KLF12: variants seen among roughly 807,000 people sequenced by gnomAD.
KLF12 encodes KLF transcription factor 12.
In KLF12, 9 loss-of-function variants were observed where a neutral mutation model predicts 37.8. That is an observed-to-expected ratio of 0.24 (90% confidence interval 0.14 to 0.42). The LOEUF is 0.42. Among genes scored for constraint, KLF12 ranks in the 10% least tolerant of loss-of-function variants. The pLI is 1.00. For synonymous variants in KLF12, 208 were observed against 202.1 expected (o/e 1.03, Z -0.25); for missense variants, 411 against 516.0 (o/e 0.80, Z 1.97).
chr13:73,841,990 T>A (rs1884762211), intron 4 of KLF12, among the ~76,000 whole-genome samples: 1 of 152,178 alleles, frequency 6.6e-6, no homozygotes, highest in Admixed American at 6.5e-5. Context: ...AGTAGAGATG[T>A]CGGGGTGTTC....
At chr13:73,907,633 T>G (rs536420368) in intron 3 of KLF12, among the ~76,000 whole-genome samples, 7 of 152,160 alleles carry the variant, frequency 4.6e-5, no homozygotes, top group Non-Finnish European at 8.8e-5. Flanking sequence ...AGACCCAGAG[T>G]AGTTAAGTAA....
chr13:73,695,805 C>T (rs769943987), intron 7 of KLF12, 134 bp from the exon 8 acceptor site: 25 of 811,800 alleles, frequency 3.1e-5, no homozygotes, highest in Non-Finnish European at 4.3e-5. Flanking sequence ...GGAAACCTTA[C>T]CATCCCACCA....
intron 5 of KLF12, among the ~76,000 whole-genome samples, chr13:73,794,543 TTTTCTATGTGGAA>T (rs1209523379): frequency 6.6e-6 from 1 of 152,202 alleles, no homozygotes; most frequent in Non-Finnish European, 1.5e-5. Context: ...AACATTTAAC[TTTTCTATGTGGAA>T]TCCTGACTTT....
rs142763689 is a variant in KLF12, at chr13:73,820,571, G to C, written c.671-7284C>G. On this transcript the variant is annotated intron_variant, in intron 4 of 7. Transcript: ENST00000377669. The stretch of plus-strand genomic sequence containing the variant: ...TTCCTTTACTTTTGCTAATGCTAAT[G>C]CCTCTACAGAGCAGCAACTGTGATG... Among the ~76,000 whole-genome samples the C allele has an allele frequency of 1.6e-4, 24 of 152,284 alleles. 1 individual carries two copies. The highest frequency in any genetic ancestry group is 5.8e-4 in the African/African-American group (24 of 41,558).
chr13:74,286,716 G>A, the KLF12 span, among the ~76,000 whole-genome samples: 1 of 152,200 alleles, frequency 6.6e-6, no homozygotes, highest in Non-Finnish European at 1.5e-5. Flanking sequence ...TACAAAATCA[G>A]CATCTGTGGT....
At chr13:74,101,495 G>A (rs1055913333) in intron 1 of KLF12, among the ~76,000 whole-genome samples, 1 of 151,988 alleles carries the variant, frequency 6.6e-6, no homozygotes, top group Non-Finnish European at 1.5e-5. Flanking sequence ...TGAGCACTCA[G>A]AAAGCTAAGA....
chr13:74,242,330 A>C, the KLF12 span, among the ~76,000 whole-genome samples: 1 of 152,244 alleles, frequency 6.6e-6, no homozygotes, highest in African/African-American at 2.4e-5. Flanking sequence ...TCACAGTTCC[A>C]TGGGCTGGGG....
intron 6 of KLF12, among the ~76,000 whole-genome samples, chr13:73,736,594 T>C (rs1877480768): frequency 6.6e-6 from 1 of 152,218 alleles, no homozygotes; most frequent in Non-Finnish European, 1.5e-5. Context: ...GCAGGAACTT[T>C]AATGTATCAC....
At chr13:74,194,414 G>T in the KLF12 span, among the ~76,000 whole-genome samples, 1 of 152,212 alleles carries the variant, frequency 6.6e-6, no homozygotes, top group Non-Finnish European at 1.5e-5. Flanking sequence ...TGAAGGCTTG[G>T]AAGTCCAAGA....
chr13:74,073,137 C>A (rs1239160612), intron 1 of KLF12, among the ~76,000 whole-genome samples: 1 of 152,142 alleles, frequency 6.6e-6, no homozygotes, highest in Non-Finnish European at 1.5e-5. Flanking sequence ...TGAGGCCGCC[C>A]GAGCCATGTA....
the KLF12 span, among the ~76,000 whole-genome samples, chr13:74,167,511 A>G: frequency 1.3e-5 from 2 of 152,244 alleles, no homozygotes; most frequent in Non-Finnish European, 2.9e-5. Context: ...TCTCCACATC[A>G]TAAAAATTTT....
At chr13:74,039,632 CT>C (rs1893349897) in intron 1 of KLF12, among the ~76,000 whole-genome samples, 1 of 152,102 alleles carries the variant, frequency 6.6e-6, no homozygotes, top group African/African-American at 2.4e-5. Context: ...TGATATTGTG[CT>C]TTGGCCTTAA....
the KLF12 span, among the ~76,000 whole-genome samples, chr13:74,246,151 C>G: frequency 6.6e-6 from 1 of 152,312 alleles, no homozygotes; most frequent in South Asian, 2.1e-4. Context: ...TCAGAATAGA[C>G]AGTCAACAAT....
chr13:74,206,712 C>T, the KLF12 span, among the ~76,000 whole-genome samples: 9 of 152,306 alleles, frequency 5.9e-5, no homozygotes, highest in South Asian at 1.7e-3. Context: ...CTTTGTCTTT[C>T]TCGCTGCGAC....
the KLF12 span, among the ~76,000 whole-genome samples, chr13:74,279,060 C>T: frequency 2.8e-4 from 42 of 152,130 alleles, no homozygotes; most frequent in African/African-American, 9.9e-4. Context: ...GGAGACAGCC[C>T]GTATCCTTTG....
At chr13:74,204,978 G>A in the KLF12 span, among the ~76,000 whole-genome samples, 1 of 152,064 alleles carries the variant, frequency 6.6e-6, no homozygotes, top group Admixed American at 6.6e-5. Context: ...CTAGACATAT[G>A]CTGATAGCAG....
intron 5 of KLF12, chr13:73,801,551 C>G (rs1253184006): frequency 6.6e-6 from 1 of 151,958 alleles, no homozygotes; most frequent in East Asian, 1.9e-4. Context: ...TAGTTACACC[C>G]ATTAGAAAAA....
intron 4 of KLF12, among the ~76,000 whole-genome samples, chr13:73,814,479 A>C (rs1453326014): frequency 6.6e-6 from 1 of 152,194 alleles, no homozygotes; most frequent in Non-Finnish European, 1.5e-5. Flanking sequence ...CTATACCTAG[A>C]CGGTTTCAAC....
At chr13:73,964,108 T>C (rs1324288646) in intron 2 of KLF12, among the ~76,000 whole-genome samples, 3 of 152,176 alleles carry the variant, frequency 2.0e-5, no homozygotes, top group Admixed American at 6.5e-5. Context: ...TTGTGACAAA[T>C]GTCTAATTTT....
Sources: allele counts gnomAD v4.1 joint callset (sites outside exome capture counted in the v4.1 genomes callset), GRCh38; gene constraint gnomAD v4.1.1; transcripts MANE v1.5; gene names NCBI Gene and HGNC (gene_info 2026-07-23, HGNC 2026-07-21).